The following PCM1 variants were observed in gnomAD, a reference collection of about 807,000 sequenced individuals.
PCM1 encodes pericentriolar material 1 protein.
PCM1 carries 157 observed loss-of-function variants against 241.9 expected under a neutral mutation model. That is an observed-to-expected ratio of 0.65 (90% CI 0.57 to 0.74). PCM1 has a LOEUF of 0.74. PCM1 is among the 30% of genes least tolerant of loss of function. The pLI, the probability that PCM1 is intolerant of heterozygous loss-of-function variation, is 0.00. For synonymous variants in PCM1, 1,085 were observed against 784.9 expected, an observed-to-expected ratio of 1.38 and a Z score of -6.39; for missense variants, 3,478 against 2,360.1, an observed-to-expected ratio of 1.47 and a Z score of -9.81.
chr8:17,985,514 A>G lies in PCM1; in HGVS notation c.4176A>G (p.Leu1392=). The G allele has an allele frequency of 1.3e-6, 2 of 1,579,122 alleles. No individual in the cohort carries two copies. Among genetic ancestry groups the G allele is most frequent in the Non-Finnish European group, 1.7e-6 (2 of 1,159,534 alleles). The change falls in exon 25 of 39, where the codon TTA becomes TTG. Residue 1392 remains leucine, a synonymous_variant. Coordinates refer to ENST00000325083, the MANE Select transcript of PCM1 (RefSeq NM_006197.4). ...CTATTTATTCTGAAGTAGCTACATT[A>G]ATTTCTCAAAATGAATCTCGTCCAC... ...RDTIYSEVAT[L]ISQNESRPHF...
intron 36 of PCM1, among the ~76,000 whole-genome samples, chr8:18,018,875 T>C (rs77478143): frequency 0.13 from 6,040 of 48,130 alleles, 218 homozygotes; most frequent in Non-Finnish European, 0.17. Flanking sequence ...TATATATATA[T>C]ATATACACAC....
intron 38 of PCM1, among the ~76,000 whole-genome samples, chr8:18,026,296 C>T (rs1305871691): frequency 2.1e-5 from 3 of 141,636 alleles, no homozygotes; most frequent in South Asian, 2.3e-4. Flanking sequence ...TCTCTGCCAC[C>T]GAGGCTGGAG....
At position 18,011,303 on chromosome 8, in the gene PCM1, G is replaced by A. The variant is rs764339504; in HGVS notation, c.5287G>A (p.Val1763Ile). The A allele has an allele frequency of 2.5e-6, 4 of 1,607,662 alleles. No individual in the cohort carries two copies. The highest frequency in any genetic ancestry group is 4.5e-5 in the East Asian group (2 of 44,734). ...TSEVYDGPKN[V>I]RSDISDQEED... is the part of the protein sequence containing the mutation. Reference sequence around the variant, plus strand: ...TGAGGTGTATGATGGTCCCAAAAATGTAAGATCTGATATTTCTGATCAAGA... The same window carrying A: ...TGAGGTGTATGATGGTCCCAAAAATATAAGATCTGATATTTCTGATCAAGA... The change falls in exon 33 of 39, where the codon GTA (valine) becomes ATA (isoleucine). Residue 1763 changes from valine to isoleucine, a missense_variant. Physicochemically the swap from Val to Ile is conservative, Grantham distance 29 (BLOSUM62 3). Transcript: ENST00000325083.
intron 18 of PCM1, 133 bp downstream of exon 18, chr8:17,964,901 C>A: frequency 1.5e-6 from 1 of 665,980 alleles, no homozygotes; most frequent in South Asian, 1.8e-5. Context: ...ACTAACTACT[C>A]AGAGTTAGTG....
chr8:17,924,992 A>C (rs1218473747), intron 2 of PCM1: 1 of 152,144 alleles, frequency 6.6e-6, no homozygotes, highest in African/African-American at 2.4e-5. Context: ...TGTCATTCCT[A>C]ATTATTAATT....
chr8:17,990,997 G>C (rs1045760682), intron 27 of PCM1, among the ~76,000 whole-genome samples: 2 of 151,618 alleles, frequency 1.3e-5, no homozygotes, highest in Non-Finnish European at 2.9e-5. Context: ...CTCTCTTTCT[G>C]AGTTGCCAGA....
At chr8:17,978,588 A>G (rs553832430) in intron 23 of PCM1, among the ~76,000 whole-genome samples, 1 of 152,230 alleles carries the variant, frequency 6.6e-6, no homozygotes, top group Admixed American at 6.5e-5. Context: ...TTGACAAAGA[A>G]CTGCAACTCA....
rs762662917 is a variant in PCM1 at position 17,939,858 on chromosome 8, C to G, written c.780C>G (p.Ile260Met). The G allele has an allele frequency of 2.2e-5, 32 of 1,453,038 alleles. No individual in the cohort carries two copies. Among genetic ancestry groups the G allele is most frequent in the Non-Finnish European group, 3.0e-5 (32 of 1,068,422 alleles). 90.0% of individuals were successfully genotyped at this position (1,453,038 alleles called of 1,614,324 possible). A position where few individuals can be genotyped will look rare whatever the true frequency, so the allele number is the denominator to read the frequency against. Residue 260 changes from isoleucine to methionine, a missense_variant, in exon 6 of 39, where the codon ATC becomes ATG. By Grantham distance (10) the Ile-to-Met change is conservative. Coordinates refer to ENST00000325083, the MANE Select transcript of PCM1 (RefSeq NM_006197.4). ...EKSYMKFLKK[I>M]LARDPQQEPM... is the part of the protein sequence containing the mutation. ...CATATATGAAATTTCTTAAAAAAAT[C>G]CTTGTAAGTATTCGACTTTTAAAAT...
At chr8:18,001,408 A>G (rs1160614985) in intron 29 of PCM1, among the ~76,000 whole-genome samples, 2 of 152,192 alleles carry the variant, frequency 1.3e-5, no homozygotes, top group Non-Finnish European at 2.9e-5. Context: ...CTTTTTAGAC[A>G]AGCTGATTGT....
At chr8:17,948,800 A>T (rs758751172) in intron 7 of PCM1, among the ~76,000 whole-genome samples, 29 of 152,246 alleles carry the variant, frequency 1.9e-4, no homozygotes, top group Non-Finnish European at 3.8e-4. Flanking sequence ...GTTAATGACT[A>T]ACCTTTTAAA....
At chr8:18,017,127 A>G (rs752228134) in intron 36 of PCM1, among the ~76,000 whole-genome samples, 5 of 151,522 alleles carry the variant, frequency 3.3e-5, no homozygotes, top group Admixed American at 6.6e-5. Context: ...TGGATAGCCC[A>G]AAAGATGCTA....
Position 17,956,731 on chromosome 8 carries a change from G to A in PCM1, c.1600G>A (p.Glu534Lys), listed in dbSNP as rs748891898. The change falls in exon 11 of 39, where the codon GAA (glutamate) becomes AAA (lysine). Residue 534 changes from glutamate to lysine, a missense_variant. Coordinates refer to ENST00000325083, the MANE Select transcript of PCM1 (RefSeq NM_006197.4). ...NRKDEETEES[E>K]YDSEHENSEP... is the part of the protein sequence containing the mutation. ...GAAAGATGAAGAAACTGAAGAGTCA[G>A]AATATGATTCTGAGCATGAAAATTC... 8.1e-6 allele frequency: 13 copies of A among 1,608,806 alleles called. No homozygotes were observed. Among genetic ancestry groups the A allele is most frequent in the Non-Finnish European group, 1.0e-5 (12 of 1,177,164 alleles).
intron 21 of PCM1, 54 bp downstream of exon 21, chr8:17,967,224 C>A (rs73571766): frequency 7.7e-7 from 1 of 1,290,648 alleles, no homozygotes. Flanking sequence ...TTTGGAACAA[C>A]GTAATTTGTC....
intron 36 of PCM1, among the ~76,000 whole-genome samples, chr8:18,022,334 A>T (rs923883591): frequency 3.3e-5 from 5 of 152,246 alleles, no homozygotes; most frequent in Non-Finnish European, 7.3e-5. Context: ...AAAATGTTCA[A>T]ACTTTTGTTG....
chr8:17,973,090 T>G (rs1209670777), intron 23 of PCM1, among the ~76,000 whole-genome samples: 2 of 152,208 alleles, frequency 1.3e-5, no homozygotes, highest in African/African-American at 4.8e-5. Context: ...CTAAATACAT[T>G]GCAGTTTTTG....
At chr8:17,932,610 A>G (rs532802690) in intron 2 of PCM1, among the ~76,000 whole-genome samples, 1 of 152,048 alleles carries the variant, frequency 6.6e-6, no homozygotes, top group East Asian at 1.9e-4. Context: ...TATTAACTAT[A>G]CTTAGTATTT....
In PCM1 at chr8:17,952,508, T is replaced by C. The variant is rs138871608; in HGVS notation, c.1072-462T>C. Among the ~76,000 whole-genome samples the C allele has an allele frequency of 1.3e-3, 191 of 152,270 alleles. 1 individual carries two copies. The highest frequency in any genetic ancestry group is 2.0e-3 in the Admixed American group (30 of 15,302). ...TATCTGTGGGTTCCACATCCATGGA[T>C]TCAACCAACCATGGATCAGGAATAT... is the stretch of plus-strand genomic sequence containing the variant. On this transcript the variant is annotated intron_variant, in intron 8 of 38. Coordinates refer to ENST00000325083, the MANE Select transcript of PCM1 (RefSeq NM_006197.4).
Position 17,967,010 on chromosome 8 carries a change from C to G in PCM1, c.3252C>G (p.Arg1084=). 7 of 1,608,176 alleles carry G rather than the reference C, an allele frequency of 4.4e-6. No individual in the cohort carries two copies. The highest frequency in any genetic ancestry group is 3.3e-4 in the Middle Eastern group (2 of 6,054). ...RLKQMLNELM[R]QQNQHPEKPG... ...AACAAATGCTAAATGAACTTATGCG[C>G]CAGCAAAATCAGCATCCAGAAAAAC... The change falls in exon 21 of 39, where the codon CGC becomes CGG. Residue 1084 remains arginine, a synonymous_variant. Transcript: ENST00000325083.
chr8:17,966,144 G>C lies in PCM1; in HGVS notation c.3001G>C (p.Glu1001Gln). ...CGTAGAAGAGAAAGAACAATGGCAA[G>C]AACAAATCAATCAGCTAAAGAAACA... ...SYVEEKEQWQ[E>Q]QINQLKKQLD... Residue 1001 changes from glutamate to glutamine, a missense_variant, in exon 19 of 39, where the codon GAA (glutamate) becomes CAA (glutamine). Coordinates refer to ENST00000325083, the MANE Select transcript of PCM1 (RefSeq NM_006197.4). 1.2e-6 allele frequency: 2 copies of C among 1,613,880 alleles called. No individual in the cohort carries two copies. Among genetic ancestry groups the C allele is most frequent in the Non-Finnish European group, 1.7e-6 (2 of 1,179,830 alleles).
Sources: allele counts gnomAD v4.1 joint callset (sites outside exome capture counted in the v4.1 genomes callset), GRCh38; gene constraint gnomAD v4.1.1; transcripts MANE v1.5; gene names NCBI Gene and HGNC (gene_info 2026-07-23, HGNC 2026-07-21).